The following L3HYPDH variants were observed in gnomAD, a reference collection of about 807,000 sequenced individuals.
L3HYPDH encodes trans-3-hydroxy-L-proline dehydratase.
Under a neutral mutation model 26.5 loss-of-function variants are expected in L3HYPDH, and 32 were observed. The ratio of observed to expected loss-of-function variants is 1.21; its 90% CI spans 0.91 to 1.62. The LOEUF (loss-of-function observed/expected upper bound fraction) is 1.62, where lower values mean the gene tolerates loss of function less well. Among genes scored for constraint, L3HYPDH ranks in the 40% most tolerant of loss-of-function variants. L3HYPDH has a pLI of 0.00. For missense variants in L3HYPDH, 554 were observed against 476.4 expected (o/e 1.16, Z -1.52); for synonymous variants, 215 against 196.6 (o/e 1.09, Z -0.78).
At chr14:59,500,141 TTTTTGTTTTG>T in the L3HYPDH span, among the ~76,000 whole-genome samples, 4 of 152,116 alleles carry the variant, frequency 2.6e-5, no homozygotes, top group African/African-American at 7.2e-5. Context: ...TTAAGTAGAG[TTTTTGTTTTG>T]TTTTGTTTTG....
chr14:59,469,038 A>C (rs1376639985), downstream of L3HYPDH, among the ~76,000 whole-genome samples: 2 of 152,178 alleles, frequency 1.3e-5, no homozygotes, highest in Non-Finnish European at 2.9e-5. Context: ...TCCAAGAAGA[A>C]GAGAAGTCAG....
At chr14:59,487,958 T>A, upstream of L3HYPDH, 1 of 862,670 alleles carries the variant, frequency 1.2e-6, no homozygotes, top group South Asian at 1.7e-5. Flanking sequence ...ATCTTCAGAT[T>A]ATTCTTAACT....
the L3HYPDH span, among the ~76,000 whole-genome samples, chr14:59,493,861 C>T: frequency 6.6e-6 from 1 of 152,010 alleles, no homozygotes; most frequent in Non-Finnish European, 1.5e-5. Flanking sequence ...TAAATGGACT[C>T]AAGAAACAGA....
the L3HYPDH span, among the ~76,000 whole-genome samples, chr14:59,494,565 G>C: frequency 6.6e-6 from 1 of 152,190 alleles, no homozygotes; most frequent in Non-Finnish European, 1.5e-5. Context: ...GGTAAAAGCA[G>C]TTTGGTACAT....
chr14:59,498,824 T>C, the L3HYPDH span: 61 of 1,612,690 alleles, frequency 3.8e-5, no homozygotes, highest in Non-Finnish European at 4.7e-5. Flanking sequence ...GTTAGGGAAA[T>C]CTGATCGATT....
At chr14:59,495,205 C>T in the L3HYPDH span, 3 of 1,609,972 alleles carry the variant, frequency 1.9e-6, no homozygotes, top group African/African-American at 2.7e-5. Context: ...ACACTGTACT[C>T]ATGAAGCCGT....
intron 2 of L3HYPDH, among the ~76,000 whole-genome samples, chr14:59,478,478 G>GGA (rs1488704175): frequency 1.3e-5 from 2 of 152,140 alleles, no homozygotes; most frequent in Admixed American, 6.5e-5. Flanking sequence ...CAGTTACTCT[G>GGA]GAGGCTGAGG....
chr14:59,499,488 A>C, the L3HYPDH span, among the ~76,000 whole-genome samples: 1 of 152,210 alleles, frequency 6.6e-6, no homozygotes, highest in Non-Finnish European at 1.5e-5. Flanking sequence ...ATTTTAATGT[A>C]ACCATTAATT....
At chr14:59,469,891 G>C (rs185280806), downstream of L3HYPDH, among the ~76,000 whole-genome samples, 7 of 152,282 alleles carry the variant, frequency 4.6e-5, no homozygotes, top group Admixed American at 4.6e-4. Flanking sequence ...CCATGGGAAT[G>C]AATGTGACAA....
At chr14:59,488,907 G>A (rs1046888953), upstream of L3HYPDH, among the ~76,000 whole-genome samples, 7 of 152,234 alleles carry the variant, frequency 4.6e-5, no homozygotes, top group Non-Finnish European at 8.8e-5. Flanking sequence ...AACAAAGAGT[G>A]CCCAATTAAA....
the L3HYPDH span, chr14:59,501,081 C>A: frequency 1.5e-6 from 1 of 680,822 alleles, no homozygotes; most frequent in Non-Finnish European, 2.4e-6. Context: ...TCTCACAGAA[C>A]TGGTTGAGAA....
At chr14:59,496,362 C>G in the L3HYPDH span, among the ~76,000 whole-genome samples, 1 of 151,612 alleles carries the variant, frequency 6.6e-6, no homozygotes, top group African/African-American at 2.4e-5. Flanking sequence ...ACCCTCTTGT[C>G]ATATAACTCT....
the L3HYPDH span, among the ~76,000 whole-genome samples, chr14:59,494,756 C>T: frequency 6.6e-6 from 1 of 152,098 alleles, no homozygotes; most frequent in African/African-American, 2.4e-5. Context: ...AAATGATACA[C>T]AGATAACTAA....
intron 1 of L3HYPDH, among the ~76,000 whole-genome samples, chr14:59,466,439 G>C (rs1889181870): frequency 1.3e-5 from 2 of 152,178 alleles, no homozygotes; most frequent in African/African-American, 4.8e-5. Context: ...ACAGAGTATG[G>C]ACATTGGACC....
At chr14:59,480,255 T>G (rs1278358796) in intron 1 of L3HYPDH, among the ~76,000 whole-genome samples, 1 of 152,168 alleles carries the variant, frequency 6.6e-6, no homozygotes, top group Non-Finnish European at 1.5e-5. Context: ...TTTTTCTCCC[T>G]TGAGAAGAGT....
downstream of L3HYPDH, among the ~76,000 whole-genome samples, chr14:59,467,716 T>C (rs1282875077): frequency 6.6e-6 from 1 of 152,236 alleles, no homozygotes; most frequent in Non-Finnish European, 1.5e-5. Flanking sequence ...CTCCTTGATG[T>C]GCCAGTGGCA....
chr14:59,492,986 G>A, the L3HYPDH span, among the ~76,000 whole-genome samples: 18 of 151,560 alleles, frequency 1.2e-4, no homozygotes, highest in African/African-American at 4.4e-4. Flanking sequence ...CTTTAGTAGA[G>A]ACGGGGTTTC....
At chr14:59,470,966 G>A (rs1889296184), downstream of L3HYPDH, among the ~76,000 whole-genome samples, 1 of 117,670 alleles carries the variant, frequency 8.5e-6, no homozygotes, top group African/African-American at 3.3e-5. Context: ...GGGGGGGGGG[G>A]GAGGGCAGGA....
Position 59,484,258 on chromosome 14 carries a change from A to G in L3HYPDH, c.59T>C (p.Leu20Pro). Residue 20 changes from leucine to proline, a missense_variant, in exon 1 of 5, where the codon CTG becomes CCG. Physicochemically the swap from Leu to Pro is moderately conservative, Grantham distance 98. Transcript: ENST00000247194. ...GCCCGTGTGCATGTCCACCACCGAC[A>G]GCACCGGCGTCCCTGGATCATGCGG... ...LPPHDPGTPV[L>P]SVVDMHTGGE... is the part of the protein sequence containing the mutation. 1 of 1,597,708 alleles carries G rather than the reference A, an allele frequency of 6.3e-7. No homozygotes were observed. Among genetic ancestry groups the G allele is most frequent in the Non-Finnish European group, 8.5e-7 (1 of 1,179,532 alleles).
Sources: gnomAD v4.1 joint callset for allele counts (sites outside exome capture counted in the v4.1 genomes callset) on GRCh38, gnomAD v4.1.1 for gene constraint, MANE v1.5 for transcripts, NCBI Gene and HGNC (gene_info 2026-07-23, HGNC 2026-07-21) for gene names.